The following CPNE4 variants were observed in gnomAD, a reference collection of about 807,000 sequenced individuals.
CPNE4 encodes the protein copine-4.
A neutral mutation model predicts 67.9 loss-of-function variants in CPNE4; 25 were observed. The observed-to-expected ratio is 0.37, with a 90% CI of 0.27 to 0.51. The LOEUF is 0.51. Ranked by LOEUF, CPNE4 falls within the 20% of genes least tolerant of loss-of-function variation. CPNE4 has a pLI of 0.93. For synonymous variants in CPNE4, 242 were observed against 244.9 expected, an observed-to-expected ratio of 0.99 and a Z score of 0.11; for missense variants, 464 against 690.8, an observed-to-expected ratio of 0.67 and a Z score of 3.68.
At chr3:131,979,124 A>G (rs2072836280) in intron 1 of CPNE4, among the ~76,000 whole-genome samples, 1 of 152,044 alleles carries the variant, frequency 6.6e-6, no homozygotes. Context: ...GGTCTGTCTT[A>G]GAGAAAGTTC....
chr3:131,848,972 A>AC (rs1419135764), intron 2 of CPNE4, among the ~76,000 whole-genome samples: 1 of 150,774 alleles, frequency 6.6e-6, no homozygotes, highest in Non-Finnish European at 1.5e-5. Context: ...AAAAAAAAAA[A>AC]AAAAAAAAAA....
At chr3:131,630,062 G>A (rs1230712829) in intron 7 of CPNE4, among the ~76,000 whole-genome samples, 4 of 152,170 alleles carry the variant, frequency 2.6e-5, no homozygotes, top group Non-Finnish European at 5.9e-5. Flanking sequence ...TAGGCATTGT[G>A]ATTTAATGAA....
chr3:131,763,054 G>A (rs1254613436), intron 2 of CPNE4, among the ~76,000 whole-genome samples: 2 of 151,926 alleles, frequency 1.3e-5, no homozygotes, highest in East Asian at 1.9e-4. Flanking sequence ...TTCTATACAG[G>A]ATATGACCAT....
intron 2 of CPNE4, among the ~76,000 whole-genome samples, chr3:131,790,798 C>G (rs1191351440): frequency 6.6e-6 from 1 of 152,172 alleles, no homozygotes; most frequent in African/African-American, 2.4e-5. Flanking sequence ...CAAAAACATA[C>G]AAATTTGCCT....
intron 14 of CPNE4, 26 bp downstream of exon 14, chr3:131,549,921 T>TA: frequency 1.2e-6 from 2 of 1,611,704 alleles, no homozygotes; most frequent in Non-Finnish European, 1.7e-6. Context: ...AAGCTCCCCT[T>TA]AGGAGGCAAA....
chr3:131,699,928 G>T lies in CPNE4; in HGVS notation c.413C>A (p.Ala138Glu). Residue 138 changes from alanine to glutamate, a missense_variant, in exon 4 of 16, where the codon GCA (alanine) becomes GAA (glutamate). Ala to Glu is a moderately radical substitution (Grantham distance 107). Transcript: ENST00000429747. ...GCTTACCGTGATGGAAGATTTCCCT[G>T]CTGTGTTCCCATGCTTCAGCAAGGA... is the stretch of plus-strand genomic sequence containing the variant. Reference protein sequence around the residue: ...SKSLLKHGNTAGKSSITVIAE... With the variant: ...SKSLLKHGNTEGKSSITVIAE... The T allele has an allele frequency of 6.2e-7, 1 of 1,612,924 alleles. No individual in the cohort carries two copies. The highest frequency in any genetic ancestry group is 1.1e-5 in the South Asian group (1 of 90,852).
At chr3:131,684,633 G>T (rs770832756) in intron 6 of CPNE4, among the ~76,000 whole-genome samples, 3 of 152,118 alleles carry the variant, frequency 2.0e-5, no homozygotes, top group Non-Finnish European at 4.4e-5. Flanking sequence ...ATGTTTTGGG[G>T]ATATAGCAAC....
intron 1 of CPNE4, among the ~76,000 whole-genome samples, chr3:131,917,916 C>T (rs896374595): frequency 6.6e-6 from 1 of 152,164 alleles, no homozygotes; most frequent in African/African-American, 2.4e-5. Context: ...TACAAGAAAA[C>T]ATGCAGTTCC....
At position 131,636,681 on chromosome 3, in the gene CPNE4, C is replaced by T. The variant is rs147265678; in HGVS notation, c.681+32994G>A. 4.3e-3 allele frequency among the ~76,000 whole-genome samples: 658 copies of T among 152,176 alleles called. 7 individuals carry two copies. Among genetic ancestry groups the T allele is most frequent in the African/African-American group, 0.015 (625 of 41,480 alleles). On this transcript the variant is annotated intron_variant, in intron 7 of 15. Coordinates refer to ENST00000429747, the MANE Select transcript of CPNE4 (RefSeq NM_130808.3). ...CAAGTTTGCATCCTCCCTATAGGAC[C>T]GCAGCTGATGCACTCTTGAAAGCGC...
intron 2 of CPNE4, among the ~76,000 whole-genome samples, chr3:131,898,670 A>G (rs780842068): frequency 6.6e-6 from 1 of 152,108 alleles, no homozygotes; most frequent in African/African-American, 2.4e-5. Flanking sequence ...TAAGTGCATC[A>G]CTTAAAAGTT....
At chr3:131,725,787 T>C (rs142569417) in intron 2 of CPNE4, among the ~76,000 whole-genome samples, 1 of 152,334 alleles carries the variant, frequency 6.6e-6, no homozygotes, top group African/African-American at 2.4e-5. Flanking sequence ...ACCCTTCCTT[T>C]AGAAAAACTT....
At chr3:131,830,615 C>CCAG (rs2085331631) in intron 2 of CPNE4, among the ~76,000 whole-genome samples, 2 of 152,152 alleles carry the variant, frequency 1.3e-5, no homozygotes, top group Admixed American at 6.6e-5. Context: ...TCAGACAACC[C>CCAG]TAATCACAAC....
intron 2 of CPNE4, among the ~76,000 whole-genome samples, chr3:131,828,631 C>T (rs2085257618): frequency 6.6e-6 from 1 of 152,136 alleles, no homozygotes; most frequent in South Asian, 2.1e-4. Context: ...ATATTTCTTT[C>T]TCTTGGATGA....
At position 132,034,617 on chromosome 3, in the gene CPNE4, G is replaced by T. The variant is rs1430821713; in HGVS notation, c.-52C>A. On this transcript the variant is annotated 5_prime_UTR_variant, in exon 1 of 16. Transcript: ENST00000429747. Reference sequence around the variant, plus strand: ...GAGAGAGAATTCAGCCCGGGACGAGGTCTGTCCCGCCCCCAGGATGCAAAA... The same window carrying T: ...GAGAGAGAATTCAGCCCGGGACGAGTTCTGTCCCGCCCCCAGGATGCAAAA... The T allele has an allele frequency of 1.5e-5, 15 of 985,512 alleles. No individual in the cohort carries two copies. Among genetic ancestry groups the T allele is most frequent in the Non-Finnish European group, 1.8e-5 (15 of 830,054 alleles). 61.0% of individuals were successfully genotyped at this position (985,512 alleles called of 1,614,324 possible).
chr3:131,599,377 GAC>G (rs778834270), intron 7 of CPNE4, among the ~76,000 whole-genome samples: 1 of 152,148 alleles, frequency 6.6e-6, no homozygotes, highest in Non-Finnish European at 1.5e-5. Context: ...TCTCACTGTA[GAC>G]TTGACAACAA....
At chr3:131,738,833 T>C (rs1202666315) in intron 2 of CPNE4, among the ~76,000 whole-genome samples, 2 of 151,260 alleles carry the variant, frequency 1.3e-5, no homozygotes, top group Non-Finnish European at 2.9e-5. Context: ...ATGTACATAT[T>C]CATCATGTCT....
At chr3:131,595,212 G>T (rs1219819884) in intron 7 of CPNE4, among the ~76,000 whole-genome samples, 3 of 152,144 alleles carry the variant, frequency 2.0e-5, no homozygotes, top group African/African-American at 7.2e-5. Context: ...TCCCACACTG[G>T]GGTGGAAATA....
intron 7 of CPNE4, among the ~76,000 whole-genome samples, chr3:131,612,866 C>T (rs913183750): frequency 6.6e-6 from 1 of 152,200 alleles, no homozygotes; most frequent in Non-Finnish European, 1.5e-5. Flanking sequence ...CTAGAACACA[C>T]TGATGGTAGC....
At chr3:131,830,230 A>C (rs571392830) in intron 2 of CPNE4, among the ~76,000 whole-genome samples, 2 of 152,124 alleles carry the variant, frequency 1.3e-5, no homozygotes, top group Non-Finnish European at 2.9e-5. Context: ...GAAATTGTTT[A>C]TCTATAAAAT....
Sources: gnomAD v4.1 joint callset for allele counts (sites outside exome capture counted in the v4.1 genomes callset) on GRCh38, gnomAD v4.1.1 for gene constraint, MANE v1.5 for transcripts, NCBI Gene and HGNC (gene_info 2026-07-23, HGNC 2026-07-21) for gene names.